Variants in CDH15 observed in about 807,000 individuals in gnomAD.
The protein encoded by CDH15 is cadherin 15.
Under a neutral mutation model 69.4 loss-of-function variants are expected in CDH15, and 73 were observed. That is an observed-to-expected ratio of 1.05 (90% CI 0.87 to 1.28). The LOEUF is 1.28. Ranked by LOEUF, CDH15 falls within the 50% of genes most tolerant of loss-of-function variation. The probability of loss-of-function intolerance (pLI) is 0.00; values close to 1 mark genes in which losing one functional copy is unlikely to be tolerated. For synonymous variants in CDH15, 624 were observed against 507.7 expected, an observed-to-expected ratio of 1.23 and a Z score of -3.08; for missense variants, 1,343 against 1,133.6, an observed-to-expected ratio of 1.18 and a Z score of -2.65.
chr16:89,185,565 C>T, intron 5 of CDH15: 2 of 603,606 alleles, frequency 3.3e-6, no homozygotes, highest in Non-Finnish European at 6.0e-6. Flanking sequence ...GCGTGAGGGG[C>T]CCGGCACAGG....
intron 1 of CDH15, among the ~76,000 whole-genome samples, chr16:89,176,646 C>A (rs1384716129): frequency 1.4e-5 from 2 of 140,770 alleles, no homozygotes; most frequent in African/African-American, 5.1e-5. Flanking sequence ...GTCCCGTGAG[C>A]CTCCCTAGAC....
rs751120295 is a variant in CDH15 at position 89,183,651 on chromosome 16, A to G, written c.461A>G (p.Gln154Arg). 2.8e-5 allele frequency: 45 copies of G among 1,612,948 alleles called. No individual in the cohort carries two copies. Among genetic ancestry groups the G allele is most frequent in the Admixed American group, 8.4e-5 (5 of 59,880 alleles). ...AATGACAACCGGCCAGCCTTCCTGC[A>G]GGAGGCGTTCACTGGCCGCGTGCTG... ...DQNDNRPAFL[Q>R]EAFTGRVLEG... is the part of the protein sequence containing the mutation. Residue 154 changes from glutamine to arginine, a missense_variant, in exon 4 of 14, where the codon CAG becomes CGG. By Grantham distance (43) the Gln-to-Arg change is conservative. Transcript: ENST00000289746.
rs561144959 is a variant in CDH15, at chr16:89,183,449, G to A, written c.358-99G>A. 627 of 1,396,552 alleles carry A rather than the reference G, an allele frequency of 4.5e-4. 2 individuals are homozygous for A. The highest frequency in any genetic ancestry group is 8.0e-4 in the Admixed American group (44 of 55,160). The allele number at this position is 1,396,552 out of a possible 1,614,324, so 86.5% of individuals were successfully genotyped here. A position where few individuals can be genotyped will look rare whatever the true frequency, so the allele number is the denominator to read the frequency against. On this transcript the variant is annotated intron_variant, in intron 3 of 13. Transcript: ENST00000289746. ...CTGTTTAAGCTGGTGTTTCCAGCTG[G>A]AGACAAAGTCTGAACGTGCTGTCTC...
At chr16:89,180,693 G>T (rs1915356158) in intron 3 of CDH15, among the ~76,000 whole-genome samples, 1 of 152,236 alleles carries the variant, frequency 6.6e-6, no homozygotes, top group Admixed American at 6.5e-5. Flanking sequence ...GGGAGCTCAG[G>T]AGTGTCGTGA....
chr16:89,183,363 C>T, intron 3 of CDH15, 185 bp from the exon 4 acceptor site: 2 of 650,550 alleles, frequency 3.1e-6, no homozygotes, highest in Admixed American at 2.6e-5. Context: ...GGGAAGGTGG[C>T]TCCCGTTCAG....
chr16:89,174,555 C>T (rs982715754), intron 1 of CDH15, among the ~76,000 whole-genome samples: 2 of 152,182 alleles, frequency 1.3e-5, no homozygotes, highest in African/African-American at 2.4e-5. Context: ...AGCTTTCTTA[C>T]ACAGCAGCCC....
At chr16:89,193,255 A>G (rs1049812384) in intron 11 of CDH15, among the ~76,000 whole-genome samples, 5 of 101,506 alleles carry the variant, frequency 4.9e-5, no homozygotes, top group Non-Finnish European at 7.9e-5. Context: ...TCCCTCCTCC[A>G]CAACCCGGCC....
At position 89,190,401 on chromosome 16, in the gene CDH15, A is replaced by T. The variant is rs1915610610; in HGVS notation, c.1137A>T (p.Pro379=). The change falls in exon 8 of 14, where the codon CCA becomes CCT. Residue 379 remains proline (P), a synonymous_variant. Transcript: ENST00000289746. Reference sequence around the variant, plus strand: ...AGCCCCCCGTGTTCCAGGAGAACCCACTTCGGACCAGCCTAGCAGAGGGGG... The same window carrying T: ...AGCCCCCCGTGTTCCAGGAGAACCCTCTTCGGACCAGCCTAGCAGAGGGGG... ...TNEPPVFQEN[P]LRTSLAEGAP... is the part of the protein sequence containing the mutation. 2 of 1,612,482 alleles carry T rather than the reference A, an allele frequency of 1.2e-6. No homozygotes were observed. The highest frequency in any genetic ancestry group is 3.3e-5 in the Admixed American group (2 of 59,940).
intron 1 of CDH15, among the ~76,000 whole-genome samples, chr16:89,172,867 G>A (rs910225195): frequency 7.9e-5 from 12 of 152,144 alleles, no homozygotes; most frequent in Non-Finnish European, 1.5e-4. Flanking sequence ...AGGGCTTAGC[G>A]GTGCTCACAG....
chr16:89,175,728 G>C (rs1017870096), intron 1 of CDH15, among the ~76,000 whole-genome samples: 3 of 152,142 alleles, frequency 2.0e-5, no homozygotes, highest in Non-Finnish European at 4.4e-5. Context: ...GGCAGGCTCC[G>C]AGGCCAGGGC....
Position 89,194,874 on chromosome 16 carries a change from G to A in CDH15, c.2164G>A (p.Ala722Thr), listed in dbSNP as rs548907131. The change falls in exon 14 of 14, where the codon GCA becomes ACA. Residue 722 changes from alanine to threonine, a missense_variant. Ala to Thr is a moderately conservative substitution (Grantham distance 58). Coordinates refer to ENST00000289746, the MANE Select transcript of CDH15 (RefSeq NM_004933.3). ...ADFINDGLEA[A>T]DSDPSVPPYD... ...GGCCTCTTTATAGGGCTTGGAGGCT[G>A]CAGATAGTGACCCCAGTGTGCCGCC... 6.2e-7 allele frequency: 1 copy of A among 1,605,108 alleles called. No homozygotes were observed. Among genetic ancestry groups the A allele is most frequent in the Non-Finnish European group, 8.5e-7 (1 of 1,175,782 alleles).
At chr16:89,181,748 G>A (rs562574451) in intron 3 of CDH15, among the ~76,000 whole-genome samples, 87 of 152,150 alleles carry the variant, frequency 5.7e-4, no homozygotes, top group African/African-American at 2.0e-3. Context: ...GACCATCCTG[G>A]CTAACATGGT....
At chr16:89,175,888 C>T (rs1219520666) in intron 1 of CDH15, among the ~76,000 whole-genome samples, 1 of 152,258 alleles carries the variant, frequency 6.6e-6, no homozygotes, top group African/African-American at 2.4e-5. Context: ...GACTCAGGTC[C>T]TGCTGGCCGA....
At chr16:89,172,631 G>A (rs932961162) in intron 1 of CDH15, among the ~76,000 whole-genome samples, 2 of 152,196 alleles carry the variant, frequency 1.3e-5, no homozygotes, top group African/African-American at 2.4e-5. Context: ...GCAAGCCAGA[G>A]TGGAAGGAAG....
Position 89,191,874 on chromosome 16 carries a change from G to T in CDH15, c.1595G>T (p.Trp532Leu). The change falls in exon 10 of 14, where the codon TGG becomes TTG. Residue 532 changes from tryptophan to leucine, a missense_variant. Coordinates refer to ENST00000289746, the MANE Select transcript of CDH15 (RefSeq NM_004933.3). ...SPRLPELGRN[W>L]SLSQVNVSHA... ...AGGCTCCCAGAGCTCGGCCGGAACTGGAGCCTCAGCCAGGTCAACGGTGCG... is the reference window on the plus strand; with the variant it reads ...AGGCTCCCAGAGCTCGGCCGGAACTTGAGCCTCAGCCAGGTCAACGGTGCG... 6.3e-7 allele frequency: 1 copy of T among 1,588,540 alleles called. No individual in the cohort carries two copies. The highest frequency in any genetic ancestry group is 8.5e-7 in the Non-Finnish European group (1 of 1,173,522).
intron 5 of CDH15, 73 bp downstream of exon 5, chr16:89,185,406 C>G (rs757543277): frequency 2.0e-6 from 3 of 1,485,726 alleles, no homozygotes; most frequent in Non-Finnish European, 2.7e-6. Context: ...CCTCTGCCCC[C>G]AGCCTGCCCA....
chr16:89,194,712 T>C, intron 13 of CDH15, 150 bp from the exon 14 acceptor site: 1 of 754,880 alleles, frequency 1.3e-6, no homozygotes, highest in Non-Finnish European at 2.3e-6. Context: ...TCAGGACGCT[T>C]TGCCTCCCCT....
In CDH15 at chr16:89,171,803, A is replaced by G. The variant is rs1178821845; in HGVS notation, c.-29A>G. ...ACGCGCTTCTTCGGGTCGCGGGTGC[A>G]CTCCGGCCCGGCTCCCGCCTCGGCC... On this transcript the variant is annotated 5_prime_UTR_variant, in exon 1 of 14. Transcript: ENST00000289746. 3.9e-6 allele frequency: 6 copies of G among 1,542,444 alleles called. No individual in the cohort carries two copies. The East Asian group carries it at 9.9e-5, about 25-fold the overall frequency.
rs147672450 is a variant in CDH15 at position 89,188,343 on chromosome 16, G to A, written c.978+58G>A. ...GCAGACGCAGATGCCGACACACACA[G>A]ATGCCCACACACAGATGCCGGCACA... On this transcript the variant is annotated intron_variant, in intron 7 of 13. Coordinates refer to ENST00000289746, the MANE Select transcript of CDH15 (RefSeq NM_004933.3). The A allele has an allele frequency of 1.5e-4, 214 of 1,426,386 alleles. No homozygotes were observed. The South Asian group carries it at 2.0e-3, about 13-fold the overall frequency. 88.4% of individuals were successfully genotyped at this position (1,426,386 alleles called of 1,614,324 possible).
Sources: allele counts gnomAD v4.1 joint callset (sites outside exome capture counted in the v4.1 genomes callset), GRCh38; gene constraint gnomAD v4.1.1; transcripts MANE v1.5; gene names NCBI Gene and HGNC (gene_info 2026-07-23, HGNC 2026-07-21).